The following PCDHGA4 variants were observed in gnomAD, a reference collection of about 807,000 sequenced individuals.
PCDHGA4 encodes the protein protocadherin gamma-A4.
PCDHGA4 carries 38 observed loss-of-function variants against 54.6 expected under a neutral mutation model. The observed-to-expected ratio is 0.70, with a 90% CI of 0.54 to 0.91. The LOEUF (loss-of-function observed/expected upper bound fraction) is 0.91. PCDHGA4 is among the 40% of genes least tolerant of loss of function. PCDHGA4 has a pLI of 0.00. For synonymous variants in PCDHGA4, 511 were observed against 512.9 expected (o/e 1.00, Z 0.05); for missense variants, 1,298 against 1,220.9 (o/e 1.06, Z -0.94).
chr5:141,435,934 T>A (rs1311888999), intron 1 of PCDHGA4, among the ~76,000 whole-genome samples: 2 of 152,160 alleles, frequency 1.3e-5, no homozygotes, highest in Non-Finnish European at 2.9e-5. Flanking sequence ...CAGTTGCTGC[T>A]TCTGAGACCA....
At chr5:141,390,177 C>A in intron 1 of PCDHGA4, 1 of 1,613,986 alleles carries the variant, frequency 6.2e-7, no homozygotes, top group Non-Finnish European at 8.5e-7. Context: ...GTTTAATTTC[C>A]TAAAATGTAG....
intron 1 of PCDHGA4, chr5:141,413,055 C>G: frequency 9.8e-7 from 1 of 1,019,544 alleles, no homozygotes; most frequent in Non-Finnish European, 1.4e-6. Flanking sequence ...GGGAAGCTCA[C>G]TCCAGAATTT....
intron 1 of PCDHGA4, among the ~76,000 whole-genome samples, chr5:141,470,664 G>A (rs1308061207): frequency 6.6e-6 from 1 of 151,882 alleles, no homozygotes; most frequent in Non-Finnish European, 1.5e-5. Context: ...CTTTGGTTAG[G>A]GCTCTGCTGT....
chr5:141,403,766 G>A (rs1371539458), intron 1 of PCDHGA4: 2 of 1,613,864 alleles, frequency 1.2e-6, no homozygotes, highest in East Asian at 2.2e-5. Context: ...CCTGGATGAG[G>A]GAATCAACGG....
Position 141,511,565 on chromosome 5 carries a change from AG to A in PCDHGA4, c.*393del, listed in dbSNP as rs2099883852. 6.8e-6 allele frequency: 2 copies of A among 296,092 alleles called. No homozygotes were observed. Among genetic ancestry groups the A allele is most frequent in the South Asian group, 7.4e-5 (2 of 26,988 alleles). The allele number at this position is 296,092 out of a possible 1,614,324, so 18.3% of individuals were successfully genotyped here. On this transcript the variant is annotated 3_prime_UTR_variant, in exon 4 of 4. Transcript: ENST00000571252. ...CCACTCCAACAGTTCCTCTTTCCCG[AG>A]TAAGGTGGTTGGGGTGTTGAAGTAC...
At chr5:141,371,477 GCTGGGGA>G (rs1767781947) in intron 1 of PCDHGA4, 2 of 1,613,972 alleles carry the variant, frequency 1.2e-6, no homozygotes, top group African/African-American at 2.7e-5. Flanking sequence ...AAGATGCTGA[GCTGGGGA>G]CTGCCGTTGC....
chr5:141,445,134 A>G lies in PCDHGA4; in HGVS notation c.2515-49673A>G, dbSNP rs900226020. ...TTGTAAATAGTATTTTTAAAATTGT[A>G]TCTTCTAATTGTTCATTTCTAGTTT... On this transcript the variant is annotated intron_variant, in intron 1 of 3. Transcript: ENST00000571252. Among the ~76,000 whole-genome samples, 174 of 152,316 alleles carry G rather than the reference A, an allele frequency of 1.1e-3. 4 individuals carry two copies. The highest frequency in any genetic ancestry group is 5.3e-4 in the Non-Finnish European group (36 of 68,016).
rs759272109 is a variant in PCDHGA4, at chr5:141,420,170, G to A, written c.2514+62549G>A. ...TCCAGAATTTAATTTTTTCACATCTGTTGATCATTGTCCAGCCACACAAGA... is the reference window on the plus strand; with the variant it reads ...TCCAGAATTTAATTTTTTCACATCTATTGATCATTGTCCAGCCACACAAGA... On this transcript the variant is annotated intron_variant, in intron 1 of 3. Coordinates refer to ENST00000571252, the MANE Select transcript of PCDHGA4 (RefSeq NM_018917.4). 22 of 1,613,846 alleles carry A rather than the reference G, an allele frequency of 1.4e-5. No homozygotes were observed. Among genetic ancestry groups the A allele is most frequent in the Non-Finnish European group, 1.8e-5 (21 of 1,179,888 alleles).
rs1243327893 is a variant in PCDHGA4, at chr5:141,491,671, C to A, written c.2515-3136C>A. 2.5e-6 allele frequency: 4 copies of A among 1,613,366 alleles called. No homozygotes were observed. Among genetic ancestry groups the A allele is most frequent in the Non-Finnish European group, 3.4e-6 (4 of 1,179,808 alleles). On this transcript the variant is annotated intron_variant, in intron 1 of 3. Coordinates refer to ENST00000571252, the MANE Select transcript of PCDHGA4 (RefSeq NM_018917.4). The surrounding 1 kb of genome is among the most constrained non-coding windows in gnomAD (Gnocchi z 6.9). Reference sequence around the variant, plus strand: ...GCTGGAGCCTGACGCCATCCGGTCCCGCTCTAATACGCTGCGGGAGCGGAG... The same window carrying A: ...GCTGGAGCCTGACGCCATCCGGTCCAGCTCTAATACGCTGCGGGAGCGGAG...
rs1760271301 is a variant in PCDHGA4, at chr5:141,356,605, G to T, written c.1498G>T (p.Ala500Ser). Residue 500 changes from alanine (A) to serine (S), a missense_variant, in exon 1 of 4, where the codon GCC (alanine) becomes TCC (serine). Physicochemically the swap from Ala to Ser is moderately conservative, Grantham distance 99. Transcript: ENST00000571252. ...CATTCCTGAAAACAACCCCAGAGGA[G>T]CCTCCATCTTATCTATGACTGCTCA... is the stretch of plus-strand genomic sequence containing the variant. ...AYIPENNPRGASILSMTAQDP... is the reference protein window; with the variant it reads ...AYIPENNPRGSSILSMTAQDP... 4 of 1,614,008 alleles carry T rather than the reference G, an allele frequency of 2.5e-6. No individual in the cohort carries two copies. Among genetic ancestry groups the T allele is most frequent in the African/African-American group, 1.3e-5 (1 of 74,888 alleles).
chr5:141,488,552 A>C (rs993681273), intron 1 of PCDHGA4, among the ~76,000 whole-genome samples: 1 of 152,194 alleles, frequency 6.6e-6, no homozygotes, highest in African/African-American at 2.4e-5. Context: ...GTCAGCTGAC[A>C]TTGAGATTTC....
chr5:141,497,740 C>G (rs954595046), intron 2 of PCDHGA4, among the ~76,000 whole-genome samples: 9 of 152,054 alleles, frequency 5.9e-5, no homozygotes, highest in African/African-American at 2.2e-4. Context: ...GGTTTCGCCA[C>G]GTTGGCCAGG....
chr5:141,405,927 A>G (rs138259154), intron 1 of PCDHGA4, among the ~76,000 whole-genome samples: 13 of 152,268 alleles, frequency 8.5e-5, no homozygotes, highest in African/African-American at 2.6e-4. Flanking sequence ...ATTTGCTGAT[A>G]TAACTTTCAT....
chr5:141,428,077 A>G (rs2097107152), intron 1 of PCDHGA4: 4 of 1,609,206 alleles, frequency 2.5e-6, no homozygotes, highest in South Asian at 1.1e-5. Flanking sequence ...GATTCGGGAC[A>G]CAACGCTTGG....
In PCDHGA4 at chr5:141,486,518, A is replaced by G; in HGVS notation, c.2515-8289A>G. The G allele has an allele frequency of 6.2e-7, 1 of 1,614,132 alleles. No homozygotes were observed. Among genetic ancestry groups the G allele is most frequent in the Non-Finnish European group, 8.5e-7 (1 of 1,179,996 alleles). On this transcript the variant is annotated intron_variant, in intron 1 of 3. Coordinates refer to ENST00000571252, the MANE Select transcript of PCDHGA4 (RefSeq NM_018917.4). The surrounding 1 kb of genome is among the most constrained non-coding windows in gnomAD (Gnocchi z 5.0). ...TATTTTCCTCAATATTTCAGATGTG[A>G]ATGATAATCCACCCTCTTTCTTTCA...
chr5:141,473,894 T>C (rs1224416966), intron 1 of PCDHGA4, among the ~76,000 whole-genome samples: 1 of 152,134 alleles, frequency 6.6e-6, no homozygotes, highest in Non-Finnish European at 1.5e-5. Context: ...GTTCTGTTGG[T>C]TCATGAAGAG....
Position 141,490,486 on chromosome 5 carries a change from G to A in PCDHGA4, c.2515-4321G>A, listed in dbSNP as rs1187388706. The A allele has an allele frequency of 1.2e-6, 2 of 1,614,090 alleles. No individual in the cohort carries two copies. On this transcript the variant is annotated intron_variant, in intron 1 of 3. Transcript: ENST00000571252. The surrounding 1 kb of genome is among the most constrained non-coding windows in gnomAD (Gnocchi z 5.4). ...AACCAGCCAGCCTTTGGACCGGGAG[G>A]CCACATCCCACTATATCATCGAGCT...
chr5:141,388,135 T>C, intron 1 of PCDHGA4: 1 of 1,452,398 alleles, frequency 6.9e-7, no homozygotes, highest in Non-Finnish European at 9.5e-7. Flanking sequence ...AGCGGGGAGT[T>C]GCTTGTGAGC....
chr5:141,383,435 C>T (rs749433529), intron 1 of PCDHGA4: 1 of 1,613,988 alleles, frequency 6.2e-7, no homozygotes, highest in Non-Finnish European at 8.5e-7. Context: ...CGCCACTTCT[C>T]CCTGGCTGTG....
Sources: gnomAD v4.1 joint callset for allele counts (sites outside exome capture counted in the v4.1 genomes callset) on GRCh38, gnomAD v4.1.1 for gene constraint, Gnocchi (gnomAD v3.1) non-coding constraint, MANE v1.5 for transcripts, NCBI Gene and HGNC (gene_info 2026-07-23, HGNC 2026-07-21) for gene names.